Variants in DSCAML1 observed in about 807,000 individuals in gnomAD.
The protein encoded by DSCAML1 is cell adhesion molecule DSCAML1.
Under a neutral mutation model 200.5 loss-of-function variants are expected in DSCAML1, and 38 were observed. The observed-to-expected ratio is 0.19, with a 90% CI of 0.15 to 0.25. The LOEUF is 0.25. Ranked by LOEUF, DSCAML1 falls within the 10% of genes least tolerant of loss-of-function variation. The pLI, the probability that DSCAML1 is intolerant of heterozygous loss-of-function variation, is 1.00. For synonymous variants in DSCAML1, 1,215 were observed against 1,165.0 expected (o/e 1.04, Z -0.87); for missense variants, 2,223 against 2,858.8 (o/e 0.78, Z 5.07).
chr11:117,738,206 C>T (rs901017713), intron 3 of DSCAML1, among the ~76,000 whole-genome samples: 2 of 152,048 alleles, frequency 1.3e-5, no homozygotes, highest in African/African-American at 4.8e-5. Flanking sequence ...TCTTCTCCAC[C>T]CACATACTCT....
intron 11 of DSCAML1, among the ~76,000 whole-genome samples, chr11:117,501,144 A>C (rs1210262057): frequency 6.6e-6 from 1 of 152,074 alleles, no homozygotes; most frequent in East Asian, 1.9e-4. Flanking sequence ...TGAAATCAGA[A>C]TGGGGGAGTG....
chr11:117,514,597 T>G (rs1592685880), intron 8 of DSCAML1, among the ~76,000 whole-genome samples: 1 of 134,898 alleles, frequency 7.4e-6, no homozygotes, highest in East Asian at 2.2e-4. Flanking sequence ...TTTTTTTTTT[T>G]TTGAGATGGA....
chr11:117,795,162 C>A (rs995833950), intron 1 of DSCAML1, among the ~76,000 whole-genome samples: 1 of 152,160 alleles, frequency 6.6e-6, no homozygotes. Flanking sequence ...TGCTGAGGGG[C>A]CTCCTGCACT....
chr11:117,470,419 C>CA (rs1444234174), intron 15 of DSCAML1, among the ~76,000 whole-genome samples: 6 of 151,974 alleles, frequency 3.9e-5, no homozygotes, highest in African/African-American at 1.2e-4. Flanking sequence ...ACTAAAAATA[C>CA]AAAAAATTAG....
intron 1 of DSCAML1, among the ~76,000 whole-genome samples, chr11:117,783,024 G>C (rs952481777): frequency 1.3e-5 from 2 of 152,126 alleles, no homozygotes; most frequent in Non-Finnish European, 2.9e-5. Flanking sequence ...ATAATAAAGA[G>C]GGACCTTCAC....
intron 3 of DSCAML1, among the ~76,000 whole-genome samples, chr11:117,588,246 G>T (rs60682387): frequency 3.3e-5 from 5 of 152,040 alleles, no homozygotes; most frequent in South Asian, 2.1e-4. Flanking sequence ...TAGCTCGGGG[G>T]TCGGGGGCTG....
At position 117,498,715 on chromosome 11, in the gene DSCAML1, G is replaced by A. The variant is rs7947806; in HGVS notation, c.2359+5130C>T. Among the ~76,000 whole-genome samples the A allele has an allele frequency of 6.6e-6, 1 of 152,124 alleles. No individual in the cohort carries two copies. Among genetic ancestry groups the A allele is most frequent in the Non-Finnish European group, 1.5e-5 (1 of 68,012 alleles). On this transcript the variant is annotated intron_variant, in intron 11 of 32. Transcript: ENST00000651296. This position sits in a 1 kb window ranked among gnomAD's most constrained non-coding sequence, Gnocchi z 4.0. Reference sequence around the variant, plus strand: ...CCCGAGGGCTTCCTTTGCTAGGCCCGCCCCCTCCATTTCTCAAGTCCCCAC... The same window carrying A: ...CCCGAGGGCTTCCTTTGCTAGGCCCACCCCCTCCATTTCTCAAGTCCCCAC...
Position 117,780,224 on chromosome 11 carries a change from AAAGAAAG to A in DSCAML1, c.364+262_364+268del, listed in dbSNP as rs1362916252. Among the ~76,000 whole-genome samples the A allele has an allele frequency of 4.2e-5, 5 of 120,458 alleles. No homozygotes were observed. Among genetic ancestry groups the A allele is most frequent in the African/African-American group, 1.8e-4 (5 of 27,878 alleles). The allele number at this position is 120,458 out of a possible 152,430, so 79.0% of individuals were successfully genotyped here. On this transcript the variant is annotated intron_variant, in intron 2 of 32. Transcript: ENST00000651296. This position sits in a 1 kb window ranked among gnomAD's most constrained non-coding sequence, Gnocchi z 4.8. ...GAGAAAGAAAGAGAGAGAGAGAAAG[AAAGAAAG>A]GAAAGAAAGAAAGAAAGAAAGAAAG...
intron 3 of DSCAML1, among the ~76,000 whole-genome samples, chr11:117,614,382 G>A (rs369146574): frequency 1.3e-5 from 2 of 152,102 alleles, no homozygotes; most frequent in Non-Finnish European, 2.9e-5. Context: ...CCCTCTGACC[G>A]CCTGGATTCT....
chr11:117,666,086 A>G (rs1460152857), intron 3 of DSCAML1, among the ~76,000 whole-genome samples: 1 of 152,112 alleles, frequency 6.6e-6, no homozygotes, highest in Non-Finnish European at 1.5e-5. Context: ...GAACCCTGTA[A>G]TGCTCCGAGG....
intron 16 of DSCAML1, among the ~76,000 whole-genome samples, chr11:117,467,853 C>T (rs192701665): frequency 3.9e-5 from 6 of 152,160 alleles, no homozygotes; most frequent in Admixed American, 6.5e-5. Flanking sequence ...CCCATTCTCA[C>T]GCTTCATGTA....
chr11:117,590,761 C>T (rs2051243606), intron 3 of DSCAML1, among the ~76,000 whole-genome samples: 2 of 152,106 alleles, frequency 1.3e-5, no homozygotes, highest in South Asian at 4.1e-4. Flanking sequence ...AGGGTGATGG[C>T]TAGGAAGGGG....
At chr11:117,765,413 G>A (rs1315837495) in intron 3 of DSCAML1, among the ~76,000 whole-genome samples, 1 of 152,220 alleles carries the variant, frequency 6.6e-6, no homozygotes, top group African/African-American at 2.4e-5. Flanking sequence ...ATGAGGGTCT[G>A]GATCCTCCCC....
intron 3 of DSCAML1, among the ~76,000 whole-genome samples, chr11:117,599,450 CTT>C (rs1365137087): frequency 3.3e-5 from 5 of 152,156 alleles, no homozygotes; most frequent in Admixed American, 2.0e-4. Context: ...ATGTTGGACA[CTT>C]TTCTTTTGAG....
intron 31 of DSCAML1, 85 bp downstream of exon 31, chr11:117,431,449 A>G (rs2047791400): frequency 7.8e-7 from 1 of 1,289,894 alleles, no homozygotes; most frequent in East Asian, 2.5e-5. Context: ...GCTGGTGGGT[A>G]GAAGCTGGGA....
intron 1 of DSCAML1, among the ~76,000 whole-genome samples, chr11:117,787,088 A>G (rs1241929343): frequency 6.6e-6 from 1 of 152,148 alleles, no homozygotes; most frequent in African/African-American, 2.4e-5. Flanking sequence ...TGAAAAGCCC[A>G]CCCTCTGGTA....
intron 3 of DSCAML1, among the ~76,000 whole-genome samples, chr11:117,539,834 C>T (rs572400387): frequency 1.3e-5 from 2 of 152,244 alleles, no homozygotes; most frequent in South Asian, 2.1e-4. Flanking sequence ...AAGTTCATAG[C>T]AGCGTTATTC....
rs542327334 is a variant in DSCAML1, at chr11:117,463,547, C to T, written c.3265+1395G>A. Among the ~76,000 whole-genome samples the T allele has an allele frequency of 6.6e-6, 1 of 152,214 alleles. No individual in the cohort carries two copies. The highest frequency in any genetic ancestry group is 2.4e-5 in the African/African-American group (1 of 41,510). On this transcript the variant is annotated intron_variant, in intron 17 of 32. Transcript: ENST00000651296. The surrounding 1 kb of genome is among the most constrained non-coding windows in gnomAD (Gnocchi z 4.0). ...TCTGCTTTGTGCTCAGGGCTGGGAA[C>T]CAGGTGTTAGGGCACTGCTCAAATG...
At chr11:117,712,791 C>T (rs1279254247) in intron 3 of DSCAML1, among the ~76,000 whole-genome samples, 1 of 152,084 alleles carries the variant, frequency 6.6e-6, no homozygotes, top group Admixed American at 6.5e-5. Context: ...GCCAGCTCCA[C>T]ACTCTGGGCC....
Sources: gnomAD v4.1 joint callset for allele counts (sites outside exome capture counted in the v4.1 genomes callset) on GRCh38, gnomAD v4.1.1 for gene constraint, Gnocchi (gnomAD v3.1) non-coding constraint, MANE v1.5 for transcripts, NCBI Gene and HGNC (gene_info 2026-07-23, HGNC 2026-07-21) for gene names.